Variants in SHISA9 observed in about 807,000 individuals in gnomAD.
SHISA9 encodes the protein protein shisa-9.
In SHISA9, 13 loss-of-function variants were observed where a neutral mutation model predicts 38.0. That is an observed-to-expected ratio of 0.34 (90% CI 0.22 to 0.54). The LOEUF (loss-of-function observed/expected upper bound fraction) is 0.54, where lower values mean the gene tolerates loss of function less well. Among genes scored for constraint, SHISA9 ranks in the 20% least tolerant of loss-of-function variants. The pLI, the probability that SHISA9 is intolerant of heterozygous loss-of-function variation, is 0.91. For synonymous variants in SHISA9, 275 were observed against 242.0 expected, an observed-to-expected ratio of 1.14 and a Z score of -1.27; for missense variants, 538 against 575.8, an observed-to-expected ratio of 0.93 and a Z score of 0.67.
the SHISA9 span, among the ~76,000 whole-genome samples, chr16:13,560,901 T>G: frequency 2.6e-5 from 4 of 152,292 alleles, no homozygotes; most frequent in Middle Eastern, 6.8e-3. Flanking sequence ...TCTCTCTCTG[T>G]CGCCCAGGCT....
chr16:13,513,916 G>A, the SHISA9 span, among the ~76,000 whole-genome samples: 1 of 152,166 alleles, frequency 6.6e-6, no homozygotes, highest in Non-Finnish European at 1.5e-5. Context: ...GATAAGTGCA[G>A]CAAACCACCA....
At chr16:13,263,669 C>G in the SHISA9 span, among the ~76,000 whole-genome samples, 1 of 152,072 alleles carries the variant, frequency 6.6e-6, no homozygotes. Flanking sequence ...TATAGCAACC[C>G]AAGAACAGAC....
chr16:13,493,171 C>T, the SHISA9 span, among the ~76,000 whole-genome samples: 1 of 152,268 alleles, frequency 6.6e-6, no homozygotes, highest in Middle Eastern at 3.4e-3. Flanking sequence ...TGAGATAATG[C>T]ATATCAAGTG....
At position 12,942,488 on chromosome 16, in the gene SHISA9, G is replaced by C. The variant is rs977857411; in HGVS notation, c.691+25673G>C. On this transcript the variant is annotated intron_variant, in intron 2 of 4. Transcript: ENST00000558583. ...CCTCAGTGTTCATAACAGATGCTCT[G>C]AACAGCAGCCTTATACATCCCATTA... Among the ~76,000 whole-genome samples the C allele has an allele frequency of 3.3e-5, 5 of 152,180 alleles. No individual in the cohort carries two copies. In the East Asian group the frequency reaches 9.6e-4, roughly 29 times the overall value.
chr16:13,231,849 A>C (rs2051334577), intron 4 of SHISA9, among the ~76,000 whole-genome samples: 1 of 152,218 alleles, frequency 6.6e-6, no homozygotes, highest in Non-Finnish European at 1.5e-5. Flanking sequence ...GTGGCCTTTC[A>C]AATAATGTTG....
intron 2 of SHISA9, among the ~76,000 whole-genome samples, chr16:13,115,518 C>A (rs1463783879): frequency 6.6e-6 from 1 of 152,208 alleles, no homozygotes; most frequent in Admixed American, 6.5e-5. Flanking sequence ...CGGTTTTCTG[C>A]CCTGGGCGGG....
At chr16:13,446,019 C>T in the SHISA9 span, among the ~76,000 whole-genome samples, 11 of 152,034 alleles carry the variant, frequency 7.2e-5, no homozygotes, top group East Asian at 1.9e-4. Flanking sequence ...CTCAGCTCAC[C>T]GCAGCCTCCG....
chr16:13,477,514 G>A, the SHISA9 span, among the ~76,000 whole-genome samples: 1 of 152,192 alleles, frequency 6.6e-6, no homozygotes, highest in Admixed American at 6.5e-5. Context: ...AAGGTGGTGG[G>A]GGGAGGTGAG....
At chr16:13,084,704 C>T (rs1033456528) in intron 2 of SHISA9, among the ~76,000 whole-genome samples, 11 of 151,634 alleles carry the variant, frequency 7.3e-5, no homozygotes, top group African/African-American at 2.7e-4. Context: ...ACTGAGGGAC[C>T]TGACCTCATT....
intron 2 of SHISA9, among the ~76,000 whole-genome samples, chr16:13,060,923 A>G (rs1195408784): frequency 6.6e-6 from 1 of 152,146 alleles, no homozygotes; most frequent in Non-Finnish European, 1.5e-5. Context: ...TCCTAGTCCA[A>G]AAAGACTGAG....
intron 2 of SHISA9, among the ~76,000 whole-genome samples, chr16:12,983,576 C>G (rs188863033): frequency 1.3e-5 from 2 of 152,268 alleles, no homozygotes; most frequent in South Asian, 4.1e-4. Context: ...GCAAGCTCTG[C>G]CTCTCAGGTT....
chr16:13,289,863 G>C, the SHISA9 span, among the ~76,000 whole-genome samples: 5 of 152,186 alleles, frequency 3.3e-5, no homozygotes, highest in Admixed American at 6.5e-5. Context: ...GCCTAAGCTA[G>C]TTTGAATTGT....
chr16:13,228,667 A>G (rs573567906), intron 4 of SHISA9, among the ~76,000 whole-genome samples: 6 of 152,190 alleles, frequency 3.9e-5, no homozygotes, highest in Non-Finnish European at 5.9e-5. Context: ...TTCTTGCCCT[A>G]TATTCTCTAT....
At chr16:12,909,027 A>G in intron 1 of SHISA9, 1 of 998,712 alleles carries the variant, frequency 1.0e-6, no homozygotes, top group Non-Finnish European at 1.2e-6. Flanking sequence ...TTTGCCTTCC[A>G]GTTTCTCTCC....
chr16:13,019,853 TCCC>T (rs1397656764), intron 2 of SHISA9, among the ~76,000 whole-genome samples: 3 of 23,526 alleles, frequency 1.3e-4, no homozygotes, highest in East Asian at 4.0e-3. Context: ...CTTCCCTCCC[TCCC>T]TCCCTCCCTC....
chr16:12,950,276 T>C (rs903250764), intron 2 of SHISA9, among the ~76,000 whole-genome samples: 2 of 152,224 alleles, frequency 1.3e-5, no homozygotes, highest in African/African-American at 4.8e-5. Context: ...TTGGTGGACA[T>C]TTACGTTGAT....
chr16:13,014,490 C>A (rs1396470399), intron 2 of SHISA9, among the ~76,000 whole-genome samples: 1 of 152,216 alleles, frequency 6.6e-6, no homozygotes, highest in Non-Finnish European at 1.5e-5. Context: ...AATCCACTGT[C>A]TTTCAATTGT....
chr16:13,439,308 A>G, the SHISA9 span, among the ~76,000 whole-genome samples: 2 of 152,194 alleles, frequency 1.3e-5, no homozygotes, highest in Non-Finnish European at 2.9e-5. Flanking sequence ...AAGGTACAGC[A>G]TGGTGGCTCT....
the SHISA9 span, among the ~76,000 whole-genome samples, chr16:13,425,700 G>A: frequency 2.0e-5 from 3 of 152,190 alleles, no homozygotes; most frequent in African/African-American, 7.2e-5. Flanking sequence ...TTTTTAAAGA[G>A]AAAGAACCAC....
Sources: allele counts gnomAD v4.1 joint callset (sites outside exome capture counted in the v4.1 genomes callset), GRCh38; gene constraint gnomAD v4.1.1; transcripts MANE v1.5; gene names NCBI Gene and HGNC (gene_info 2026-07-23, HGNC 2026-07-21).